Variants in HDAC6 observed in about 807,000 individuals in gnomAD.
HDAC6 encodes protein deacetylase HDAC6.
HDAC6 carries 5 observed loss-of-function variants against 88.9 expected under a neutral mutation model. The observed-to-expected ratio is 0.06, with a 90% confidence interval of 0.03 to 0.12. HDAC6 has a LOEUF of 0.12. HDAC6 is among the 10% of genes least tolerant of loss of function. HDAC6 has a pLI of 1.00. For missense variants in HDAC6, 706 were observed against 1,014.4 expected (o/e 0.70, Z 4.13); for synonymous variants, 378 against 398.0 (o/e 0.95, Z 0.60).
intron 10 of HDAC6, 62 bp from the exon 11 acceptor site, chrX:48,814,378 T>C (rs782448638): frequency 3.4e-5 from 39 of 1,150,542 alleles, no homozygotes; most frequent in Non-Finnish European, 3.6e-5. Context: ...AACTGTTGGG[T>C]TGGGGGTGTC....
intron 23 of HDAC6, 31 bp downstream of exon 23, chrX:48,820,286 T>A: frequency 1.8e-6 from 2 of 1,119,387 alleles, no homozygotes; most frequent in South Asian, 4.3e-5. Flanking sequence ...CTTCCCACAG[T>A]GGGAGGGTAG....
In HDAC6 at chrX:48,815,936, G is replaced by A; in HGVS notation, c.1377G>A (p.Glu459=). The change falls in exon 17 of 29, where the codon GAG becomes GAA. Residue 459 remains glutamate, a synonymous_variant. Coordinates refer to ENST00000334136, the MANE Select transcript of HDAC6 (RefSeq NM_006044.4). ...AGGAGGACAATGTAGAGGAGAGCGA[G>A]GAGGAAGGACCCTGGGAGCCCCCTG... is the stretch of plus-strand genomic sequence containing the variant. ...NMEEDNVEES[E]EEGPWEPPVL... 1.7e-6 allele frequency: 2 copies of A among 1,211,102 alleles called. No homozygotes were observed. The highest frequency in any genetic ancestry group is 2.2e-6 in the Non-Finnish European group (2 of 894,986).
chrX:48,814,776 G>A, intron 12 of HDAC6, 36 bp downstream of exon 12: 1 of 1,208,747 alleles, frequency 8.3e-7, no homozygotes, highest in Non-Finnish European at 1.1e-6. Context: ...GAGGAGGAGT[G>A]GCCTTGAAGG....
In HDAC6 at chrX:48,802,707, C is replaced by T. The variant is rs1557022779; in HGVS notation, c.15C>T (p.Gly5=). 3 of 1,205,937 alleles carry T rather than the reference C, an allele frequency of 2.5e-6. No individual in the cohort carries two copies. The African/African-American group carries it at 5.3e-5, about 21-fold the overall frequency. The change falls in exon 2 of 29, where the codon GGC becomes GGT. Residue 5 remains glycine (G), a synonymous_variant. Transcript: ENST00000334136. MTST[G]QDSTTTRQRR... is the part of the protein sequence containing the mutation. ...CCTCCTCAACTATGACCTCAACCGGCCAGGATTCCACCACAACCAGGCAGC... is the reference window on the plus strand; with the variant it reads ...CCTCCTCAACTATGACCTCAACCGGTCAGGATTCCACCACAACCAGGCAGC...
At position 48,823,479 on chromosome X, in the gene HDAC6, C is replaced by T. The variant is rs1557031025; in HGVS notation, c.3080C>T (p.Thr1027Ile). 8.3e-6 allele frequency: 10 copies of T among 1,210,498 alleles called. No homozygotes were observed. The highest frequency in any genetic ancestry group is 8.9e-6 in the Non-Finnish European group (8 of 894,748). Residue 1027 changes from threonine (T) to isoleucine (I), a missense_variant, in exon 25 of 29, where the codon ACA (threonine) becomes ATA (isoleucine). Transcript: ENST00000334136. ...ATCCAAACTCCTCTAGCCTCGAGCA[C>T]AGACCACCAGACCCCCCCAACCTCA... The part of the protein sequence containing the change: ...ELIQTPLASS[T>I]DHQTPPTSPV...
intron 14 of HDAC6, 134 bp from the exon 15 acceptor site, chrX:48,815,250 G>A: frequency 1.8e-6 from 1 of 564,627 alleles, no homozygotes; most frequent in East Asian, 3.6e-5. Flanking sequence ...ATTGTCCAGT[G>A]AATTCAGTGA....
At chrX:48,814,920 G>A in intron 13 of HDAC6, 27 bp downstream of exon 13, 1 of 1,210,440 alleles carries the variant, frequency 8.3e-7, no homozygotes, top group Non-Finnish European at 1.1e-6. Context: ...GGGGCGGCAG[G>A]TGGGTTGCAT....
At chrX:48,820,622 T>C (rs917844300) in intron 23 of HDAC6, among the ~76,000 whole-genome samples, 2 of 111,720 alleles carry the variant, frequency 1.8e-5, no homozygotes, top group Non-Finnish European at 3.8e-5. Context: ...CTTGAACCCA[T>C]GCAGCCTGGC....
intron 6 of HDAC6, chrX:48,805,954 G>A (rs2062810622): frequency 2.4e-6 from 1 of 414,302 alleles, no homozygotes; most frequent in Non-Finnish European, 4.2e-6. Context: ...AATAGATGGT[G>A]GATGTGTGGA....
At chrX:48,819,895 A>G (rs1285097945) in intron 22 of HDAC6, 3 of 502,314 alleles carry the variant, frequency 6.0e-6, no homozygotes, top group African/African-American at 4.7e-5. Context: ...TATTTCTTCT[A>G]CCTCTGAGTC....
Position 48,815,396 on chromosome X carries a change from C to T in HDAC6, c.1162C>T (p.Leu388Phe), listed in dbSNP as rs1287335440. Residue 388 changes from leucine (L) to phenylalanine (F), a missense_variant, in exon 15 of 29, where the codon CTC (leucine) becomes TTC (phenylalanine). This residue lies in a region of HDAC6 where 106 missense variants were observed against 135.1 expected (regional missense o/e 0.78). Coordinates refer to ENST00000334136, the MANE Select transcript of HDAC6 (RefSeq NM_006044.4). ...CTCCTTGCCCCAGGGTGGCTACAAC[C>T]TCCGCGCCCTGGCTGAAGGCGTCAG... is the stretch of plus-strand genomic sequence containing the variant. Reference protein sequence around the residue: ...LILSLEGGYNLRALAEGVSAS... With the variant: ...LILSLEGGYNFRALAEGVSAS... 8.3e-7 allele frequency: 1 copy of T among 1,199,816 alleles called. No homozygotes were observed. The highest frequency in any genetic ancestry group is 1.7e-5 in the African/African-American group (1 of 57,500).
rs781815084 is a variant in HDAC6 at position 48,802,979 on chromosome X, A to C, written c.202A>C (p.Ile68Leu). The C allele has an allele frequency of 2.5e-6, 3 of 1,209,577 alleles. No homozygotes were observed. The African/African-American group carries it at 5.2e-5, about 21-fold the overall frequency. The change falls in exon 3 of 29, where the codon ATC becomes CTC. Residue 68 changes from isoleucine (I) to leucine (L), a missense_variant. By Grantham distance (5) the Ile-to-Leu change is conservative. Transcript: ENST00000334136. ...CGGCCAAGCAATGGAAGAAGACCTA[A>C]TCGTGGGACTGCAAGGGATGGTGAG... ...KLGQAMEEDLIVGLQGMDLNL... is the reference protein window; with the variant it reads ...KLGQAMEEDLLVGLQGMDLNL...
Position 48,802,908 on chromosome X carries a change from T to C in HDAC6, c.131T>C (p.Ile44Thr). Reference protein sequence around the residue: ...NIKKGAVPRSIPNLAEVKKKG... With the variant: ...NIKKGAVPRSTPNLAEVKKKG... Reference sequence around the variant, plus strand: ...AAAAAGGGAGCCGTTCCCCGCTCTATCCCCAATCTAGCGGAGGTAAAGAAG... The same window carrying C: ...AAAAAGGGAGCCGTTCCCCGCTCTACCCCCAATCTAGCGGAGGTAAAGAAG... The change falls in exon 3 of 29, where the codon ATC becomes ACC. Residue 44 changes from isoleucine (I) to threonine (T), a missense_variant. By Grantham distance (89) the Ile-to-Thr change is moderately conservative. Around this residue, in one of 9 missense-constraint regions of HDAC6, gnomAD observed 193 missense variants for 258.2 expected, o/e 0.75. Transcript: ENST00000334136. 8.3e-7 allele frequency: 1 copy of C among 1,208,640 alleles called. No individual in the cohort carries two copies. Among genetic ancestry groups the C allele is most frequent in the East Asian group, 3.0e-5 (1 of 33,788 alleles).
At chrX:48,816,839 C>T (rs1370598816) in intron 19 of HDAC6, 9 of 412,269 alleles carry the variant, frequency 2.2e-5, no homozygotes, top group Middle Eastern at 6.5e-4. Flanking sequence ...CAGTGGCTCA[C>T]GTCTGTAATC....
Position 48,806,593 on chromosome X carries a change from C to T in HDAC6, c.535-16C>T, listed in dbSNP as rs1557024414. ...CTCTCCCTTACTCCCTTTCTGGCTC[C>T]CCACTGTCTCTCCAGAACTCATACT... On this transcript the variant is annotated splice_polypyrimidine_tract_variant and intron_variant, in intron 7 of 28. Coordinates refer to ENST00000334136, the MANE Select transcript of HDAC6 (RefSeq NM_006044.4). The T allele has an allele frequency of 8.6e-7, 1 of 1,163,838 alleles. No homozygotes were observed. The highest frequency in any genetic ancestry group is 2.2e-5 in the Admixed American group (1 of 45,816).
chrX:48,816,120 C>G, intron 17 of HDAC6, 21 bp from the exon 18 acceptor site: 4 of 1,210,823 alleles, frequency 3.3e-6, no homozygotes, highest in Non-Finnish European at 3.4e-6. Flanking sequence ...AAGCCTCTAC[C>G]TCTCGTTTCC....
rs1264647272 is a variant in HDAC6 at position 48,815,568 on chromosome X, C to T, written c.1257-7C>T. 2 of 1,209,794 alleles carry T rather than the reference C, an allele frequency of 1.7e-6. No homozygotes were observed. The highest frequency in any genetic ancestry group is 2.2e-6 in the Non-Finnish European group (2 of 893,765). On this transcript the variant is annotated splice_region_variant and splice_polypyrimidine_tract_variant and intron_variant, in intron 15 of 28. Transcript: ENST00000334136. ...CCTTGACATCATATTTTCTCCCTGC[C>T]CTGCAGTGCCCAGGCTTCAGTTTCC...
Position 48,803,809 on chromosome X carries a change from C to T in HDAC6, c.311+593C>T, listed in dbSNP as rs139742976. Reference sequence around the variant, plus strand: ...TGGTCCCCTACTTCCAACCTCACCTCTATTATCTGTTCATGCAGCAACCTA... The same window carrying T: ...TGGTCCCCTACTTCCAACCTCACCTTTATTATCTGTTCATGCAGCAACCTA... On this transcript the variant is annotated intron_variant, in intron 4 of 28. Coordinates refer to ENST00000334136, the MANE Select transcript of HDAC6 (RefSeq NM_006044.4). Among the ~76,000 whole-genome samples, 1,088 of 112,028 alleles carry T rather than the reference C, an allele frequency of 9.7e-3. 7 individuals carry two copies. Among genetic ancestry groups the T allele is most frequent in the Non-Finnish European group, 0.016 (857 of 53,121 alleles).
intron 8 of HDAC6, chrX:48,807,095 C>T: frequency 8.1e-6 from 1 of 124,093 alleles, no homozygotes; most frequent in Non-Finnish European, 1.7e-5. Context: ...TACATCTTAT[C>T]ATCATTGGCA....
Sources: allele counts gnomAD v4.1 joint callset (sites outside exome capture counted in the v4.1 genomes callset), GRCh38; gene constraint gnomAD v4.1.1; regional missense constraint gnomAD v4.1.1; transcripts MANE v1.5; gene names NCBI Gene and HGNC (gene_info 2026-07-23, HGNC 2026-07-21).